ZMYM2: variants seen among roughly 807,000 people sequenced by gnomAD.
The protein encoded by ZMYM2 is zinc finger MYM-type protein 2.
ZMYM2 carries 56 observed loss-of-function variants against 162.8 expected under a neutral mutation model. The ratio of observed to expected loss-of-function variants is 0.34; its 90% confidence interval spans 0.28 to 0.43. The LOEUF (loss-of-function observed/expected upper bound fraction) is 0.43, where lower values mean the gene tolerates loss of function less well. Ranked by LOEUF, ZMYM2 falls within the 20% of genes least tolerant of loss-of-function variation. The pLI is 1.00. For synonymous variants in ZMYM2, 510 were observed against 541.6 expected (o/e 0.94, Z 0.81); for missense variants, 1,275 against 1,621.8 (o/e 0.79, Z 3.67).
the ZMYM2 span, among the ~76,000 whole-genome samples, chr13:19,939,054 C>T: frequency 3.0e-4 from 43 of 141,248 alleles, 1 homozygote; most frequent in East Asian, 8.0e-3. Context: ...GATGGAGTCT[C>T]GCTCTGTCAC....
intron 21 of ZMYM2, among the ~76,000 whole-genome samples, chr13:20,079,760 C>T (rs1957792023): frequency 6.6e-6 from 1 of 152,134 alleles, no homozygotes; most frequent in Admixed American, 6.5e-5. Flanking sequence ...TTAGGAACTG[C>T]TTTTAGTAGA....
At chr13:20,074,238 G>GTGAGAGAC (rs1491149986) in intron 21 of ZMYM2, among the ~76,000 whole-genome samples, 2 of 120,576 alleles carry the variant, frequency 1.7e-5, no homozygotes, top group East Asian at 4.0e-4. Context: ...GTGTGTGTGT[G>GTGAGAGAC]AGAGAGACAG....
At chr13:19,994,479 G>A (rs61390163) in intron 3 of ZMYM2, among the ~76,000 whole-genome samples, 1 of 152,084 alleles carries the variant, frequency 6.6e-6, no homozygotes, top group African/African-American at 2.4e-5. Flanking sequence ...GTGTAATATT[G>A]TACAGTAGTT....
At chr13:19,887,397 C>T in the ZMYM2 span, among the ~76,000 whole-genome samples, 300 of 151,486 alleles carry the variant, frequency 2.0e-3, 5 homozygotes, top group South Asian at 0.018. Flanking sequence ...GGCGTGGTGG[C>T]GGGCGCCTGT....
chr13:19,894,253 C>T, the ZMYM2 span, among the ~76,000 whole-genome samples: 1 of 151,978 alleles, frequency 6.6e-6, no homozygotes, highest in South Asian at 2.1e-4. Flanking sequence ...TTTACCTAGC[C>T]TACTTTAAAT....
chr13:19,887,055 T>C, the ZMYM2 span, among the ~76,000 whole-genome samples: 1 of 151,912 alleles, frequency 6.6e-6, no homozygotes, highest in East Asian at 1.9e-4. Context: ...AATTGGTAAT[T>C]GCATCTAGAG....
the ZMYM2 span, chr13:19,864,114 C>G: frequency 6.6e-6 from 1 of 152,590 alleles, no homozygotes; most frequent in African/African-American, 2.4e-5. Context: ...CCTGGATGCC[C>G]CAGCGCCCTC....
chr13:19,968,922 T>C (rs1257266155), intron 2 of ZMYM2, among the ~76,000 whole-genome samples: 3 of 152,186 alleles, frequency 2.0e-5, no homozygotes, highest in African/African-American at 7.2e-5. Context: ...TGAGTAAATA[T>C]AAACAAAGTG....
the ZMYM2 span, among the ~76,000 whole-genome samples, chr13:19,900,596 G>A: frequency 6.6e-6 from 1 of 151,962 alleles, no homozygotes; most frequent in African/African-American, 2.4e-5. Context: ...TGATTTTATG[G>A]GGCCACCATT....
At chr13:19,885,990 CAT>C in the ZMYM2 span, among the ~76,000 whole-genome samples, 8 of 111,930 alleles carry the variant, frequency 7.1e-5, 1 homozygote, top group Non-Finnish European at 9.8e-5. Context: ...TGTATATACA[CAT>C]ATATATGTGT....
intron 7 of ZMYM2, 62 bp from the exon 8 acceptor site, chr13:20,026,550 G>A: frequency 6.7e-7 from 1 of 1,486,950 alleles, no homozygotes; most frequent in Non-Finnish European, 9.0e-7. Context: ...ATGAAAAATT[G>A]GTAATTCTTT....
At chr13:19,893,217 G>C in the ZMYM2 span, among the ~76,000 whole-genome samples, 1 of 150,670 alleles carries the variant, frequency 6.6e-6, no homozygotes, top group African/African-American at 2.5e-5. Flanking sequence ...CCGATCATGA[G>C]GTCAGGAGCT....
At chr13:20,073,844 TG>T (rs1165423584) in intron 21 of ZMYM2, among the ~76,000 whole-genome samples, 9 of 152,320 alleles carry the variant, frequency 5.9e-5, no homozygotes, top group Admixed American at 3.9e-4. Flanking sequence ...TCTCAGTTTT[TG>T]TTGTAGTAAA....
chr13:19,951,015 G>T, the ZMYM2 span, among the ~76,000 whole-genome samples: 1 of 152,138 alleles, frequency 6.6e-6, no homozygotes, highest in Admixed American at 6.5e-5. Context: ...AGATTTTTTT[G>T]TGTGTGATTT....
At chr13:19,959,382 C>T (rs946572977) in intron 1 of ZMYM2, among the ~76,000 whole-genome samples, 3 of 152,144 alleles carry the variant, frequency 2.0e-5, no homozygotes, top group Non-Finnish European at 4.4e-5. Flanking sequence ...GCCGGGTCCC[C>T]TCCTTCGCTC....
At chr13:20,044,545 C>T (rs373802276) in intron 12 of ZMYM2, among the ~76,000 whole-genome samples, 53 of 152,240 alleles carry the variant, frequency 3.5e-4, no homozygotes, top group African/African-American at 8.2e-4. Flanking sequence ...TACCTGGCTG[C>T]GTCTAGTCAG....
intron 13 of ZMYM2, 33 bp downstream of exon 13, chr13:20,051,631 C>T (rs1955354828): frequency 6.3e-7 from 1 of 1,579,790 alleles, no homozygotes; most frequent in Non-Finnish European, 8.6e-7. Context: ...ACTTGAAAAC[C>T]CTGTACATCA....
Position 20,034,362 on chromosome 13 carries a change from A to T in ZMYM2, c.2077A>T (p.Thr693Ser). Residue 693 changes from threonine (T) to serine (S), a missense_variant, in exon 11 of 25, where the codon ACA (threonine) becomes TCA (serine). Coordinates refer to ENST00000610343, the MANE Select transcript of ZMYM2 (RefSeq NM_197968.4). ...TCAAGAGGAGAAGACTCTTCATGAAACAGTAAATTTCTCTGGCGTTAAGAG... is the reference window on the plus strand; with the variant it reads ...TCAAGAGGAGAAGACTCTTCATGAATCAGTAAATTTCTCTGGCGTTAAGAG... ...YCQEEKTLHE[T>S]VNFSGVKRPF... 1 of 1,607,524 alleles carries T rather than the reference A, an allele frequency of 6.2e-7. No homozygotes were observed. The highest frequency in any genetic ancestry group is 8.5e-7 in the Non-Finnish European group (1 of 1,177,646).
At chr13:20,023,484 G>T (rs1345107057) in intron 7 of ZMYM2, among the ~76,000 whole-genome samples, 7 of 152,116 alleles carry the variant, frequency 4.6e-5, no homozygotes, top group Non-Finnish European at 1.0e-4. Flanking sequence ...CGTGAAATTG[G>T]TTAAAATTAA....
Sources: allele counts gnomAD v4.1 joint callset (sites outside exome capture counted in the v4.1 genomes callset), GRCh38; gene constraint gnomAD v4.1.1; transcripts MANE v1.5; gene names NCBI Gene and HGNC (gene_info 2026-07-23, HGNC 2026-07-21).